RPS6KA3: variants seen among roughly 807,000 people sequenced by gnomAD.
RPS6KA3 encodes ribosomal protein S6 kinase A3.
Under a neutral mutation model 67.2 loss-of-function variants are expected in RPS6KA3, and 4 were observed. That is an observed-to-expected ratio of 0.06 (90% confidence interval 0.03 to 0.14). The LOEUF (loss-of-function observed/expected upper bound fraction) is 0.14. Among genes scored for constraint, RPS6KA3 ranks in the 10% least tolerant of loss-of-function variants. The pLI, the probability that RPS6KA3 is intolerant of heterozygous loss-of-function variation, is 1.00. For missense variants in RPS6KA3, 204 were observed against 559.0 expected (o/e 0.36, Z 6.40); for synonymous variants, 182 against 183.7 (o/e 0.99, Z 0.07).
chrX:20,261,662 C>G (rs1006988658), intron 1 of RPS6KA3, among the ~76,000 whole-genome samples: 22 of 112,369 alleles, frequency 2.0e-4, no homozygotes, highest in South Asian at 3.6e-4. Flanking sequence ...AAAACACATA[C>G]ACACACAGAC....
intron 7 of RPS6KA3, among the ~76,000 whole-genome samples, chrX:20,191,294 A>G (rs2068119514): frequency 9.0e-6 from 1 of 111,621 alleles, no homozygotes; most frequent in African/African-American, 3.3e-5. Flanking sequence ...GGTTGGTTCC[A>G]AGTCTTTGCT....
At chrX:20,244,787 G>C (rs2069641710) in intron 1 of RPS6KA3, among the ~76,000 whole-genome samples, 1 of 112,048 alleles carries the variant, frequency 8.9e-6, no homozygotes, top group Admixed American at 9.4e-5. Context: ...GAAAACTAGA[G>C]TTCTTCAGCA....
At chrX:20,186,150 C>A in intron 10 of RPS6KA3, 146 bp downstream of exon 10, 1 of 446,279 alleles carries the variant, frequency 2.2e-6, no homozygotes, top group South Asian at 2.9e-5. Context: ...CCATGTTGGC[C>A]AGGCTGGTCT....
At chrX:20,191,388 T>C (rs1373683957) in intron 7 of RPS6KA3, among the ~76,000 whole-genome samples, 1 of 111,788 alleles carries the variant, frequency 8.9e-6, no homozygotes, top group East Asian at 2.8e-4. Context: ...ATATACATGG[T>C]AATGGGATTG....
intron 2 of RPS6KA3, among the ~76,000 whole-genome samples, chrX:20,216,520 T>C (rs1194101720): frequency 4.5e-5 from 5 of 110,643 alleles, no homozygotes; most frequent in Admixed American, 1.9e-4. Flanking sequence ...GGTTAGAACA[T>C]GATAAATACT....
chrX:20,206,656 G>C (rs1468915353), intron 3 of RPS6KA3, among the ~76,000 whole-genome samples: 1 of 112,086 alleles, frequency 8.9e-6, no homozygotes, highest in Non-Finnish European at 1.9e-5. Context: ...TTAAACAAAT[G>C]AAAAACTGCA....
Position 20,172,697 on chromosome X carries a change from T to C in RPS6KA3, c.1353+49A>G, listed in dbSNP as rs749131556. 4.6e-6 allele frequency: 5 copies of C among 1,091,669 alleles called. 1 individual carries two copies. The South Asian group carries it at 7.9e-5, about 17-fold the overall frequency. 90.0% of individuals were successfully genotyped at this position (1,091,669 alleles called of 1,213,427 possible). The stretch of plus-strand genomic sequence containing the variant: ...GTGTAATTTTTAACTGGTACTGACA[T>C]GCATGAACAAGAACTGTATGAATTG... On this transcript the variant is annotated intron_variant, in intron 15 of 21. Transcript: ENST00000379565.
At chrX:20,186,398 G>T in intron 9 of RPS6KA3, 32 bp from the exon 10 acceptor site, 1 of 878,916 alleles carries the variant, frequency 1.1e-6, no homozygotes, top group Non-Finnish European at 1.7e-6. Flanking sequence ...AGAAGTGTTA[G>T]TCAATAAATA....
intron 13 of RPS6KA3, 82 bp downstream of exon 13, chrX:20,176,168 G>C: frequency 1.5e-6 from 1 of 672,331 alleles, no homozygotes; most frequent in Non-Finnish European, 2.4e-6. Flanking sequence ...ACCGCGCCCA[G>C]AGTCTGGAAA....
intron 1 of RPS6KA3, among the ~76,000 whole-genome samples, chrX:20,256,817 A>G (rs1435226985): frequency 1.8e-5 from 2 of 111,992 alleles, no homozygotes; most frequent in Non-Finnish European, 3.8e-5. Context: ...AGAGGGCTTC[A>G]TGCTACATAC....
At chrX:20,244,894 A>T (rs967277730) in intron 1 of RPS6KA3, among the ~76,000 whole-genome samples, 1 of 112,436 alleles carries the variant, frequency 8.9e-6, no homozygotes, top group African/African-American at 3.2e-5. Flanking sequence ...CAAATTACAT[A>T]ATCTCCTAAA....
chrX:20,168,821 AC>A (rs1259475263), intron 16 of RPS6KA3, among the ~76,000 whole-genome samples: 1 of 112,021 alleles, frequency 8.9e-6, no homozygotes, highest in Non-Finnish European at 1.9e-5. Context: ...TTTCAAATCT[AC>A]TTTTTAAACT....
At chrX:20,195,335 A>G (rs1282492184) in intron 4 of RPS6KA3, among the ~76,000 whole-genome samples, 190 bp from the exon 5 acceptor site, 1 of 112,190 alleles carries the variant, frequency 8.9e-6, no homozygotes, top group East Asian at 2.8e-4. Context: ...AGGAAGTTGC[A>G]TATATTTATA....
chrX:20,265,398 G>T (rs1462765165), intron 1 of RPS6KA3: 1 of 112,151 alleles, frequency 8.9e-6, no homozygotes, highest in African/African-American at 3.3e-5. Context: ...CACTGCGGAG[G>T]CCGGCAGGGC....
At chrX:20,222,402 T>C (rs1262047629) in intron 2 of RPS6KA3, among the ~76,000 whole-genome samples, 1 of 112,157 alleles carries the variant, frequency 8.9e-6, no homozygotes. Context: ...CATTATTACC[T>C]ATCTCAAAAA....
Position 20,151,768 on chromosome X carries a change from T to C in RPS6KA3, c.*3630A>G, listed in dbSNP as rs2067106873. ...AGAGAATATCAAAGCCATGCTGAGA[T>C]GGGTATTGCTGGCCTCCATGGTGAT... On this transcript the variant is annotated 3_prime_UTR_variant, in exon 22 of 22. Transcript: ENST00000379565. 1 of 112,253 alleles carries C rather than the reference T, an allele frequency of 8.9e-6. No individual in the cohort carries two copies. Among genetic ancestry groups the C allele is most frequent in the African/African-American group, 3.2e-5 (1 of 30,903 alleles). 9.3% of individuals were successfully genotyped at this position (112,253 alleles called of 1,213,427 possible).
In RPS6KA3 at chrX:20,194,306, T is replaced by C. The variant is rs188242912; in HGVS notation, c.407-38A>G. ...ATGAAAATTTTCATTTAGTCCACCA[T>C]AATTTTTTTAGGTTTACATTAGGTC... is the stretch of plus-strand genomic sequence containing the variant. On this transcript the variant is annotated intron_variant, in intron 5 of 21. Transcript: ENST00000379565. 2,052 of 900,146 alleles carry C rather than the reference T, an allele frequency of 2.3e-3. 2 individuals carry two copies. Among genetic ancestry groups the C allele is most frequent in the Non-Finnish European group, 3.0e-3 (1,826 of 617,563 alleles). The allele number at this position is 900,146 out of a possible 1,213,427, so 74.2% of individuals were successfully genotyped here.
At chrX:20,250,893 T>A (rs1234003120) in intron 1 of RPS6KA3, among the ~76,000 whole-genome samples, 2 of 112,221 alleles carry the variant, frequency 1.8e-5, no homozygotes, top group East Asian at 2.8e-4. Flanking sequence ...TAAACTGTTC[T>A]CTATTTTCTG....
At chrX:20,247,736 G>A (rs1254689241) in intron 1 of RPS6KA3, among the ~76,000 whole-genome samples, 2 of 105,968 alleles carry the variant, frequency 1.9e-5, no homozygotes, top group East Asian at 5.9e-4. Flanking sequence ...GCAGTGAGCC[G>A]AGATTGCGCC....
Sources: gnomAD v4.1 joint callset for allele counts (sites outside exome capture counted in the v4.1 genomes callset) on GRCh38, gnomAD v4.1.1 for gene constraint, MANE v1.5 for transcripts, NCBI Gene and HGNC (gene_info 2026-07-23, HGNC 2026-07-21) for gene names.